SMPX: variants seen among roughly 807,000 people sequenced by gnomAD.
SMPX encodes small muscular protein.
Under a neutral mutation model 6.3 loss-of-function variants are expected in SMPX, and 2 were observed. The observed-to-expected ratio is 0.32, with a 90% confidence interval of 0.13 to 0.99. The LOEUF (loss-of-function observed/expected upper bound fraction) is 0.99, where lower values mean the gene tolerates loss of function less well. Among genes scored for constraint, SMPX ranks in the 50% least tolerant of loss-of-function variants. The probability of loss-of-function intolerance (pLI) is 0.49; values close to 1 mark genes in which losing one functional copy is unlikely to be tolerated. For synonymous variants in SMPX, 32 were observed against 24.7 expected, an observed-to-expected ratio of 1.30 and a Z score of -0.88; for missense variants, 60 against 66.8, an observed-to-expected ratio of 0.90 and a Z score of 0.36.
chrX:21,749,549 T>A (rs774457135), intron 2 of SMPX, among the ~76,000 whole-genome samples: 1 of 111,859 alleles, frequency 8.9e-6, no homozygotes, highest in Non-Finnish European at 1.9e-5. Context: ...GAACAGTAAG[T>A]AAAGACAGCA....
chrX:21,718,206 C>T (rs2092787420), intron 4 of SMPX, among the ~76,000 whole-genome samples: 1 of 112,384 alleles, frequency 8.9e-6, no homozygotes, highest in African/African-American at 3.2e-5. Flanking sequence ...CAGCTGTGGG[C>T]CATTAATGCT....
At chrX:21,723,150 CCAG>C (rs935471867) in intron 4 of SMPX, among the ~76,000 whole-genome samples, 2 of 111,255 alleles carry the variant, frequency 1.8e-5, no homozygotes, top group African/African-American at 3.3e-5. Flanking sequence ...CAAACTACCA[CCAG>C]CAGCAGCAGC....
chrX:21,743,417 G>GCA lies in SMPX; in HGVS notation c.132+331_132+332dup, dbSNP rs1353973182. On this transcript the variant is annotated intron_variant, in intron 3 of 4. Coordinates refer to ENST00000379494, the MANE Select transcript of SMPX (RefSeq NM_014332.3). ...TTTATCCTCCCCACCACACACACGT[G>GCA]CACACACACACACGCATACACACAA... Among the ~76,000 whole-genome samples, 9 of 82,459 alleles carry GCA rather than the reference G, an allele frequency of 1.1e-4. No homozygotes were observed. The East Asian group carries it at 1.2e-3, about 11-fold the overall frequency. 71.6% of individuals were successfully genotyped at this position (82,459 alleles called of 115,157 possible).
intron 1 of SMPX, 97 bp from the exon 2 acceptor site, chrX:21,754,399 C>T: frequency 1.5e-6 from 1 of 667,553 alleles, no homozygotes. Context: ...GGGCAGTCAC[C>T]CCTTTCACTG....
intron 4 of SMPX, among the ~76,000 whole-genome samples, chrX:21,720,563 A>C (rs1233913740): frequency 8.9e-6 from 1 of 112,908 alleles, no homozygotes; most frequent in Non-Finnish European, 1.9e-5. Flanking sequence ...CCTTAGCCCA[A>C]GTTCAGCTCT....
chrX:21,742,513 G>A (rs1162652530), intron 3 of SMPX, among the ~76,000 whole-genome samples: 1 of 111,907 alleles, frequency 8.9e-6, no homozygotes, highest in African/African-American at 3.3e-5. Flanking sequence ...TTAACTCGAT[G>A]GCAAAGTTAA....
chrX:21,719,321 C>G lies in SMPX; in HGVS notation c.*15-12927G>C, dbSNP rs6629419. Reference sequence around the variant, plus strand: ...ATCACCTGAGGCCAGGAGTTCGAGACCAGCATGGCCAACATGGTGAAACCC... The same window carrying G: ...ATCACCTGAGGCCAGGAGTTCGAGAGCAGCATGGCCAACATGGTGAAACCC... On this transcript the variant is annotated intron_variant, in intron 4 of 4. Coordinates refer to ENST00000379494, the MANE Select transcript of SMPX (RefSeq NM_014332.3). 3.7e-3 allele frequency among the ~76,000 whole-genome samples: 414 copies of G among 111,008 alleles called. 7 individuals are homozygous for G. In the East Asian group the frequency reaches 0.041, roughly 11 times the overall value.
At chrX:21,709,807 A>G (rs1295372680) in intron 4 of SMPX, among the ~76,000 whole-genome samples, 1 of 111,970 alleles carries the variant, frequency 8.9e-6, no homozygotes, top group African/African-American at 3.3e-5. Flanking sequence ...GCTAAGTAAG[A>G]GGCCCATGAC....
At chrX:21,727,238 A>T (rs746914109) in intron 4 of SMPX, 10 of 112,749 alleles carry the variant, frequency 8.9e-5, no homozygotes, top group Non-Finnish European at 1.7e-4. Context: ...GGTAAATTCC[A>T]ACTAGCCCAT....
intron 3 of SMPX, among the ~76,000 whole-genome samples, chrX:21,741,305 A>G (rs1399795592): frequency 8.9e-6 from 1 of 112,539 alleles, no homozygotes; most frequent in Non-Finnish European, 1.9e-5. Flanking sequence ...TATGATCTCT[A>G]TACAGTAATT....
chrX:21,742,875 G>T (rs1362984798), intron 3 of SMPX, among the ~76,000 whole-genome samples: 1 of 112,483 alleles, frequency 8.9e-6, no homozygotes, highest in East Asian at 2.8e-4. Flanking sequence ...CTTTTAAAAA[G>T]ATGAAATACA....
chrX:21,715,304 G>GCGCA (rs1555971869), intron 4 of SMPX, among the ~76,000 whole-genome samples: 1 of 84,192 alleles, frequency 1.2e-5, no homozygotes, highest in African/African-American at 7.0e-5. Flanking sequence ...GTGTGTGTGT[G>GCGCA]CGCGCACGCG....
At chrX:21,733,577 C>T (rs1051860746) in intron 4 of SMPX, 4 of 247,385 alleles carry the variant, frequency 1.6e-5, no homozygotes, top group African/African-American at 8.8e-5. Context: ...CTTTTTAGAG[C>T]TTCATCAGTT....
At chrX:21,746,650 G>GTT (rs11420880) in intron 2 of SMPX, among the ~76,000 whole-genome samples, 1,037 of 86,342 alleles carry the variant, frequency 0.012, 10 homozygotes, top group Non-Finnish European at 0.018. Context: ...ACTTAAATGG[G>GTT]TTTTTTTTTT....
chrX:21,732,952 G>A (rs1429935469), intron 4 of SMPX, among the ~76,000 whole-genome samples: 1 of 111,512 alleles, frequency 9.0e-6, no homozygotes, highest in Non-Finnish European at 1.9e-5. Context: ...AAGCCAGGAA[G>A]AGAACCCTCA....
intron 4 of SMPX, among the ~76,000 whole-genome samples, chrX:21,719,535 AG>A (rs2147375895): frequency 9.3e-6 from 1 of 106,978 alleles, no homozygotes; most frequent in South Asian, 4.3e-4. Flanking sequence ...AAGAAGAAGA[AG>A]AAGAAAAGAA....
intron 3 of SMPX, among the ~76,000 whole-genome samples, chrX:21,741,154 C>T (rs1286781761): frequency 8.9e-6 from 1 of 111,843 alleles, no homozygotes; most frequent in Non-Finnish European, 1.9e-5. Flanking sequence ...TGGCAGACAG[C>T]CAAAGACTCA....
Position 21,739,733 on chromosome X carries a change from C to T in SMPX, c.133-2036G>A, listed in dbSNP as rs892721300. 4.5e-5 allele frequency among the ~76,000 whole-genome samples: 5 copies of T among 111,892 alleles called. No individual in the cohort carries two copies. In the Admixed American group the frequency reaches 4.7e-4, roughly 11 times the overall value. ...GTAGTGGTGAAATGAAAAATGTTTC[C>T]TCACTTATAAATGTTTCCACGGCTG... On this transcript the variant is annotated intron_variant, in intron 3 of 4. Coordinates refer to ENST00000379494, the MANE Select transcript of SMPX (RefSeq NM_014332.3).
intron 4 of SMPX, among the ~76,000 whole-genome samples, chrX:21,732,275 C>T (rs1438883767): frequency 8.9e-6 from 1 of 112,044 alleles, no homozygotes; most frequent in Non-Finnish European, 1.9e-5. Context: ...TTCTTGAATA[C>T]TAAGTTTTCT....
Sources: gnomAD v4.1 joint callset for allele counts (sites outside exome capture counted in the v4.1 genomes callset) on GRCh38, gnomAD v4.1.1 for gene constraint, MANE v1.5 for transcripts, NCBI Gene and HGNC (gene_info 2026-07-23, HGNC 2026-07-21) for gene names.